NEB: variants seen among roughly 807,000 people sequenced by gnomAD.
NEB encodes nemaline myopathy type 2.
Under a neutral mutation model 952.2 loss-of-function variants are expected in NEB, and 512 were observed. That is an observed-to-expected ratio of 0.54 (90% CI 0.50 to 0.58). The LOEUF (loss-of-function observed/expected upper bound fraction) is 0.58. Ranked by LOEUF, NEB falls within the 20% of genes least tolerant of loss-of-function variation. The pLI, the probability that NEB is intolerant of heterozygous loss-of-function variation, is 0.00. For synonymous variants in NEB, 2,900 were observed against 3,149.8 expected (o/e 0.92, Z 2.66); for missense variants, 8,428 against 9,231.1 (o/e 0.91, Z 3.56).
intron 161 of NEB, 37 bp from the exon 162 acceptor site, chr2:151,508,146 C>A: frequency 6.9e-7 from 1 of 1,447,866 alleles, no homozygotes; most frequent in Non-Finnish European, 9.6e-7. Context: ...AGGGTAAACA[C>A]CACAGGGATA....
At chr2:151,530,779 G>T in intron 145 of NEB, 1 of 406,850 alleles carries the variant, frequency 2.5e-6, no homozygotes. Flanking sequence ...TGGCTTGACT[G>T]AGCCCCAGGT....
chr2:151,503,535 A>G, intron 165 of NEB, 94 bp from the exon 166 acceptor site: 1 of 760,854 alleles, frequency 1.3e-6, no homozygotes, highest in Non-Finnish European at 2.3e-6. Flanking sequence ...AAACTCATAA[A>G]AACAATCTAG....
intron 54 of NEB, among the ~76,000 whole-genome samples, chr2:151,649,062 T>G (rs2098998763): frequency 6.6e-6 from 1 of 152,174 alleles, no homozygotes; most frequent in Non-Finnish European, 1.5e-5. Context: ...GTCACCTTAT[T>G]AAGTTCAGAT....
rs766994199 is a variant in NEB, at chr2:151,679,788, C to A, written c.3188G>T (p.Gly1063Val). ...KADLKDLSKK[G>V]YDLRTDAIPI... ...AATCGCATCAGTTCTCAGGTCATAT[C>A]CCTTCTTGCTCAAGTCTTTCAAGTC... The change falls in exon 32 of 182, where the codon GGA (glycine) becomes GTA (valine). Residue 1063 changes from glycine to valine, a missense_variant. Gly to Val is a moderately radical substitution (Grantham distance 109). Around this residue, in one of 11 missense-constraint regions of NEB, gnomAD observed 2,851 missense variants for 2,791.5 expected, o/e 1.02. Coordinates refer to ENST00000397345, the MANE Select transcript of NEB (RefSeq NM_001164508.2). 1 of 1,612,986 alleles carries A rather than the reference C, an allele frequency of 6.2e-7. No individual in the cohort carries two copies. The highest frequency in any genetic ancestry group is 1.3e-5 in the African/African-American group (1 of 74,880).
rs750762588 is a variant in NEB, at chr2:151,678,072, C to T, written c.3371G>A (p.Arg1124Gln). ...CTTCTCATAGTCTTTTTTATACTCC[C>T]GATCTGATTGTATCTTGGCCACGTT... ...YMNVAKIQSD[R>Q]EYKKDYEKTK... The change falls in exon 33 of 182, where the codon CGG becomes CAG. Residue 1124 changes from arginine (R) to glutamine (Q), a missense_variant. Arg to Gln is a conservative substitution (Grantham distance 43, BLOSUM62 1). Transcript: ENST00000397345. 5.6e-6 allele frequency: 9 copies of T among 1,613,726 alleles called. No individual in the cohort carries two copies. Among genetic ancestry groups the T allele is most frequent in the African/African-American group, 2.7e-5 (2 of 74,894 alleles).
intron 10 of NEB, chr2:151,716,269 G>A (rs1292182353): frequency 3.3e-6 from 1 of 305,540 alleles, no homozygotes; most frequent in East Asian, 9.0e-5. Context: ...CTCCCAAGTA[G>A]CTGAGATTAC....
chr2:151,561,141 T>A, intron 122 of NEB, 33 bp from the exon 123 acceptor site: 1 of 1,568,066 alleles, frequency 6.4e-7, no homozygotes, highest in Non-Finnish European at 8.7e-7. Flanking sequence ...TATTCACCTC[T>A]GTTGTTAGAA....
chr2:151,666,680 G>C (rs1469920553), intron 40 of NEB, among the ~76,000 whole-genome samples: 1 of 151,982 alleles, frequency 6.6e-6, no homozygotes, highest in African/African-American at 2.4e-5. Context: ...TGAGAAGTTG[G>C]CTTATGAAGC....
At position 151,665,952 on chromosome 2, in the gene NEB, G is replaced by A. The variant is rs958529519; in HGVS notation, c.5031+138C>T. The A allele has an allele frequency of 4.6e-6, 4 of 864,202 alleles. No individual in the cohort carries two copies. In the East Asian group the frequency reaches 7.9e-5, roughly 17 times the overall value. The allele number at this position is 864,202 out of a possible 1,614,324, so 53.5% of individuals were successfully genotyped here. A position where few individuals can be genotyped will look rare whatever the true frequency, so the allele number is the denominator to read the frequency against. On this transcript the variant is annotated intron_variant, in intron 41 of 181. Coordinates refer to ENST00000397345, the MANE Select transcript of NEB (RefSeq NM_001164508.2). The stretch of plus-strand genomic sequence containing the variant: ...ACAAAGCCACCTATAGTTCAAATGA[G>A]TGAAATCCTAAAACTCTGAGTTCTG...
In NEB at chr2:151,548,366, A is replaced by C. The variant is rs560109089; in HGVS notation, c.20099T>G (p.Leu6700Arg). Residue 6700 changes from leucine to arginine, a missense_variant, in exon 131 of 182, where the codon CTT becomes CGT. Physicochemically the swap from Leu to Arg is moderately radical, Grantham distance 102 (BLOSUM62 -2). This residue lies in a region of NEB where 3,374 missense variants were observed against 3,651.5 expected (regional missense o/e 0.92). Transcript: ENST00000397345. Reference sequence around the variant, plus strand: ...GACAAATGGAACATCTTTGGGGCCAAGTGTATACCCATATGCCTTGGTGTG... The same window carrying C: ...GACAAATGGAACATCTTTGGGGCCACGTGTATACCCATATGCCTTGGTGTG... ...YEHTKAYGYT[L>R]GPKDVPFVHV... 2 of 1,613,714 alleles carry C rather than the reference A, an allele frequency of 1.2e-6. No homozygotes were observed.
At chr2:151,634,943 A>G (rs2098728336) in intron 64 of NEB, among the ~76,000 whole-genome samples, 2 of 152,202 alleles carry the variant, frequency 1.3e-5, no homozygotes, top group Non-Finnish European at 2.9e-5. Context: ...TAAGCCAGTT[A>G]TCCAAAATAC....
At chr2:151,576,772 T>G (rs1352697079) in intron 105 of NEB, among the ~76,000 whole-genome samples, 1 of 151,806 alleles carries the variant, frequency 6.6e-6, no homozygotes, top group Non-Finnish European at 1.5e-5. Context: ...TGACCTCAGG[T>G]GATCCACCCA....
Position 151,518,417 on chromosome 2 carries a change from C to T in NEB, c.22701G>A (p.Gln7567=), listed in dbSNP as rs770741059. 6.3e-7 allele frequency: 1 copy of T among 1,598,682 alleles called. No individual in the cohort carries two copies. The highest frequency in any genetic ancestry group is 1.1e-5 in the South Asian group (1 of 90,302). Residue 7567 remains glutamine (Q), a synonymous_variant, in exon 156 of 182, where the codon CAG becomes CAA. Coordinates refer to ENST00000397345, the MANE Select transcript of NEB (RefSeq NM_001164508.2). ...LNTSQLASSY[Q]YKKKYEKSKG... ...TACTCTTCTCATACTTCTTCTTGTA[C>T]TGGTACTGAGGGGAAGGCGGCAAAA...
rs770022592 is a variant in NEB at position 151,617,431 on chromosome 2, G to C, written c.11114C>G (p.Thr3705Ser). The change falls in exon 75 of 182, where the codon ACT (threonine) becomes AGT (serine). Residue 3705 changes from threonine to serine, a missense_variant. This residue lies in a region of NEB where 1,772 missense variants were observed against 1,960.3 expected (regional missense o/e 0.90). Coordinates refer to ENST00000397345, the MANE Select transcript of NEB (RefSeq NM_001164508.2). ...YTEAWDNDKK[T>S]IHVMPDTPEI... The stretch of plus-strand genomic sequence containing the variant: ...TGGTGTATCAGGCATGACATGAATA[G>C]TTTTCTTGTCATTGTCCCAGGCTTC... 6.6e-7 allele frequency: 1 copy of C among 1,525,622 alleles called. No individual in the cohort carries two copies. Among genetic ancestry groups the C allele is most frequent in the Non-Finnish European group, 8.8e-7 (1 of 1,131,934 alleles). The allele number at this position is 1,525,622 out of a possible 1,614,324, so 94.5% of individuals were successfully genotyped here.
chr2:151,727,632 T>C, intron 5 of NEB, 59 bp downstream of exon 5: 1 of 1,506,124 alleles, frequency 6.6e-7, no homozygotes, highest in African/African-American at 1.4e-5. Flanking sequence ...ACAGAGTGAG[T>C]TGAGATAAGT....
At chr2:151,525,043 T>G in intron 151 of NEB, 120 bp downstream of exon 151, 1 of 789,438 alleles carries the variant, frequency 1.3e-6, no homozygotes, top group Non-Finnish European at 2.1e-6. Flanking sequence ...TTCTCGCCAC[T>G]AACTTTTTGA....
chr2:151,501,963 C>CA (rs2064990512), intron 167 of NEB, among the ~76,000 whole-genome samples: 1 of 152,022 alleles, frequency 6.6e-6, no homozygotes, highest in Non-Finnish European at 1.5e-5. Flanking sequence ...ACATAGCATA[C>CA]AAAAAATAGC....
chr2:151,544,981 C>T lies in NEB; in HGVS notation c.20577+907G>A, dbSNP rs113491623. On this transcript the variant is annotated intron_variant, in intron 135 of 181. Transcript: ENST00000397345. ...TGAAATGCCCTTTGGCAAACATGCA[C>T]ATCTATTATGGCCAAGGCACTATGG... Among the ~76,000 whole-genome samples the T allele has an allele frequency of 6.4e-3, 980 of 152,320 alleles. 9 individuals are homozygous for T. Among genetic ancestry groups the T allele is most frequent in the Middle Eastern group, 0.01 (3 of 294 alleles).
chr2:151,615,993 T>C lies in NEB; in HGVS notation c.11289+9A>G, dbSNP rs758976471. 3 of 1,593,374 alleles carry C rather than the reference T, an allele frequency of 1.9e-6. No individual in the cohort carries two copies. The highest frequency in any genetic ancestry group is 2.6e-6 in the Non-Finnish European group (3 of 1,166,730). On this transcript the variant is annotated intron_variant, in intron 76 of 181. Transcript: ENST00000397345. ...AATAAGAAATGGCTTTTCCAAAACATCCACTTACATCACTAGCAATATCTC... is the reference window on the plus strand; with the variant it reads ...AATAAGAAATGGCTTTTCCAAAACACCCACTTACATCACTAGCAATATCTC...
Sources: allele counts gnomAD v4.1 joint callset (sites outside exome capture counted in the v4.1 genomes callset), GRCh38; gene constraint gnomAD v4.1.1; regional missense constraint gnomAD v4.1.1; transcripts MANE v1.5; gene names NCBI Gene and HGNC (gene_info 2026-07-23, HGNC 2026-07-21).